Variants in TINAGL1 observed in about 807,000 individuals in gnomAD.
The protein encoded by TINAGL1 is tubulointerstitial nephritis antigen like 1.
Under a neutral mutation model 62.0 loss-of-function variants are expected in TINAGL1, and 34 were observed. The ratio of observed to expected loss-of-function variants is 0.55; its 90% CI spans 0.42 to 0.73. TINAGL1 has a LOEUF of 0.73. TINAGL1 is among the 30% of genes least tolerant of loss of function. The probability of loss-of-function intolerance (pLI) is 0.00; values close to 1 mark genes in which losing one functional copy is unlikely to be tolerated. For synonymous variants in TINAGL1, 221 were observed against 249.7 expected, an observed-to-expected ratio of 0.88 and a Z score of 1.08; for missense variants, 516 against 653.2, an observed-to-expected ratio of 0.79 and a Z score of 2.29.
rs915456347 is a variant in TINAGL1 at position 31,577,534 on chromosome 1, T to C, written c.310+76T>C. The C allele has an allele frequency of 2.1e-6, 3 of 1,442,786 alleles. No individual in the cohort carries two copies. The highest frequency in any genetic ancestry group is 4.2e-5 in the Admixed American group (2 of 47,594). The allele number at this position is 1,442,786 out of a possible 1,614,324, so 89.4% of individuals were successfully genotyped here. On this transcript the variant is annotated intron_variant, in intron 2 of 11. Coordinates refer to ENST00000271064, the MANE Select transcript of TINAGL1 (RefSeq NM_022164.3). This position sits in a 1 kb window ranked among gnomAD's most constrained non-coding sequence, Gnocchi z 5.4. ...CAGCAAGGCTCAAGAGCAAAGCTGA[T>C]GGATGCACTGACATTTCCAGGGGAA...
intron 2 of TINAGL1, among the ~76,000 whole-genome samples, chr1:31,578,552 G>GGT (rs375119727): frequency 0.021 from 2,847 of 132,480 alleles, 55 homozygotes; most frequent in Non-Finnish European, 0.026. Flanking sequence ...AGTGAGAGCT[G>GGT]GTGTGTGTGT....
At chr1:31,582,327 C>CA (rs5773366) in intron 3 of TINAGL1, among the ~76,000 whole-genome samples, 99,682 of 148,094 alleles carry the variant, frequency 0.67, 33,367 homozygotes, top group African/African-American at 0.73. Flanking sequence ...GACCCTGTCT[C>CA]AAAAAAAAAA....
At position 31,577,440 on chromosome 1, in the gene TINAGL1, C is replaced by A; in HGVS notation, c.292C>A (p.Pro98Thr). 6.2e-7 allele frequency: 1 copy of A among 1,611,690 alleles called. No homozygotes were observed. The highest frequency in any genetic ancestry group is 2.2e-5 in the East Asian group (1 of 44,854). The stretch of plus-strand genomic sequence containing the variant: ...GGACTTCTGCCTCGGCGTGCCACCC[C>A]CTTTTCCCCCGATCCAAGGTGGGCA... The part of the protein sequence containing the change: ...FWDFCLGVPP[P>T]FPPIQGCMHG... Residue 98 changes from proline to threonine, a missense_variant, in exon 2 of 12, where the codon CCT becomes ACT. Transcript: ENST00000271064. This position sits in a 1 kb window ranked among gnomAD's most constrained non-coding sequence, Gnocchi z 5.4.
chr1:31,585,413 G>A lies in TINAGL1; in HGVS notation c.1048-27G>A, dbSNP rs1368008249. 1 of 1,613,490 alleles carries A rather than the reference G, an allele frequency of 6.2e-7. No individual in the cohort carries two copies. Among genetic ancestry groups the A allele is most frequent in the East Asian group, 2.2e-5 (1 of 44,888 alleles). ...GCCTGGAGTCTCACCCCTGACGTATGCTCTCTGTCCATCCCCTGCCCTCCA... is the reference window on the plus strand; with the variant it reads ...GCCTGGAGTCTCACCCCTGACGTATACTCTCTGTCCATCCCCTGCCCTCCA... On this transcript the variant is annotated intron_variant, in intron 8 of 11. Transcript: ENST00000271064. The surrounding 1 kb of genome is among the most constrained non-coding windows in gnomAD (Gnocchi z 4.3).
Position 31,586,725 on chromosome 1 carries a change from G to T in TINAGL1, c.1233G>T (p.Thr411=), listed in dbSNP as rs745716693. ...CTGCCCACAGATGGGGAGAGGAGACGCTGCCAGATGGAAGGACGCTCAAAT... is the reference window on the plus strand; with the variant it reads ...CTGCCCACAGATGGGGAGAGGAGACTCTGCCAGATGGAAGGACGCTCAAAT... ...SVKITGWGEE[T]LPDGRTLKYW... The change falls in exon 11 of 12, where the codon ACG becomes ACT. Residue 411 remains threonine (T), a synonymous_variant. Transcript: ENST00000271064. 2 of 1,557,192 alleles carry T rather than the reference G, an allele frequency of 1.3e-6. No individual in the cohort carries two copies. Among genetic ancestry groups the T allele is most frequent in the Admixed American group, 1.9e-5 (1 of 51,692 alleles).
chr1:31,585,466 G>A lies in TINAGL1; in HGVS notation c.1074G>A (p.Met358Ile), dbSNP rs750626724. 1.9e-6 allele frequency: 3 copies of A among 1,614,108 alleles called. No homozygotes were observed. The African/African-American group carries it at 4.0e-5, about 22-fold the overall frequency. The change falls in exon 9 of 12, where the codon ATG (methionine) becomes ATA (isoleucine). Residue 358 changes from methionine to isoleucine, a missense_variant. Transcript: ENST00000271064. This position sits in a 1 kb window ranked among gnomAD's most constrained non-coding sequence, Gnocchi z 4.3. ...ACAAGGAGATCATGAAGGAGCTGATGGAGAATGGCCCTGTCCAAGGTAAAC... is the reference window on the plus strand; with the variant it reads ...ACAAGGAGATCATGAAGGAGCTGATAGAGAATGGCCCTGTCCAAGGTAAAC... ...SNDKEIMKEL[M>I]ENGPVQALME...
At chr1:31,578,552 GGTGTGT>G (rs375119727) in intron 2 of TINAGL1, among the ~76,000 whole-genome samples, 1 of 132,512 alleles carries the variant, frequency 7.5e-6, no homozygotes, top group African/African-American at 2.9e-5. Flanking sequence ...AGTGAGAGCT[GGTGTGT>G]GTGTGTGTGT....
chr1:31,579,363 G>A lies in TINAGL1; in HGVS notation c.374+96G>A. ...CCCTGACCCCTTTTGCAAGGGAGAA[G>A]TCTTTTCCCTTCTTTGAACCTCAGT... is the stretch of plus-strand genomic sequence containing the variant. On this transcript the variant is annotated intron_variant, in intron 3 of 11. Transcript: ENST00000271064. 2.7e-6 allele frequency: 3 copies of A among 1,113,326 alleles called. 1 individual carries two copies. The South Asian group carries it at 4.0e-5, about 15-fold the overall frequency. The allele number at this position is 1,113,326 out of a possible 1,614,324, so 69.0% of individuals were successfully genotyped here.
In TINAGL1 at chr1:31,585,441, A is replaced by T; in HGVS notation, c.1049A>T (p.Asp350Val). ...CTCTGTCCATCCCCTGCCCTCCAGG[A>T]CAAGGAGATCATGAAGGAGCTGATG... ...VTPVYRLGSNDKEIMKELMEN... is the reference protein window; with the variant it reads ...VTPVYRLGSNVKEIMKELMEN... The change falls in exon 9 of 12, where the codon GAC becomes GTC. Residue 350 changes from aspartate (D) to valine (V), a missense_variant and splice_region_variant. Physicochemically the swap from Asp to Val is radical, Grantham distance 152. Coordinates refer to ENST00000271064, the MANE Select transcript of TINAGL1 (RefSeq NM_022164.3). The surrounding 1 kb of genome is among the most constrained non-coding windows in gnomAD (Gnocchi z 4.3). 3.1e-6 allele frequency: 5 copies of T among 1,614,174 alleles called. No homozygotes were observed. Among genetic ancestry groups the T allele is most frequent in the Non-Finnish European group, 4.2e-6 (5 of 1,180,004 alleles).
In TINAGL1 at chr1:31,587,051, G is replaced by C. The variant is rs1414810768; in HGVS notation, c.*72G>C. Reference sequence around the variant, plus strand: ...CCGGCGGAAGAGGCCCCAATGGGGCGGTGACCCCAGCCTCGCCCGACAGAG... The same window carrying C: ...CCGGCGGAAGAGGCCCCAATGGGGCCGTGACCCCAGCCTCGCCCGACAGAG... On this transcript the variant is annotated 3_prime_UTR_variant, in exon 12 of 12. Coordinates refer to ENST00000271064, the MANE Select transcript of TINAGL1 (RefSeq NM_022164.3). The C allele has an allele frequency of 2.2e-6, 3 of 1,384,292 alleles. No individual in the cohort carries two copies. Among genetic ancestry groups the C allele is most frequent in the Non-Finnish European group, 2.8e-6 (3 of 1,075,428 alleles). 85.8% of individuals were successfully genotyped at this position (1,384,292 alleles called of 1,614,324 possible).
At position 31,585,157 on chromosome 1, in the gene TINAGL1, G is replaced by A. The variant is rs1014757536; in HGVS notation, c.864G>A (p.Val288=). ...AWWFLRRRGV[V]SDHCYPFSGR... ...CCTCTTGCTGCCTTTGCAGGGTGGT[G>A]TCTGACCACTGCTACCCCTTCTCGG... Residue 288 remains valine, a synonymous_variant, in exon 8 of 12, where the codon GTG becomes GTA. Transcript: ENST00000271064. This position sits in a 1 kb window ranked among gnomAD's most constrained non-coding sequence, Gnocchi z 4.3. The A allele has an allele frequency of 6.3e-7, 1 of 1,579,700 alleles. No individual in the cohort carries two copies. Among genetic ancestry groups the A allele is most frequent in the African/African-American group, 1.3e-5 (1 of 74,170 alleles).
Position 31,583,276 on chromosome 1 carries a change from C to A in TINAGL1, c.467+35C>A. 1 of 1,583,972 alleles carries A rather than the reference C, an allele frequency of 6.3e-7. No individual in the cohort carries two copies. Among genetic ancestry groups the A allele is most frequent in the Non-Finnish European group, 8.7e-7 (1 of 1,152,634 alleles). ...CCTAGAGGCACCCTCAGTGGGCACA[C>A]ATGCATACTCATGCATGTATACACG... On this transcript the variant is annotated intron_variant, in intron 4 of 11. Coordinates refer to ENST00000271064, the MANE Select transcript of TINAGL1 (RefSeq NM_022164.3). The surrounding 1 kb of genome is among the most constrained non-coding windows in gnomAD (Gnocchi z 4.4).
chr1:31,580,191 C>CTCTCTCTG (rs1557557774), intron 3 of TINAGL1: 2 of 417,208 alleles, frequency 4.8e-6, no homozygotes, highest in East Asian at 1.9e-4. Context: ...CTCTCTCTCT[C>CTCTCTCTG]TCTCTCTCTC....
At position 31,584,275 on chromosome 1, in the gene TINAGL1, A is replaced by G; in HGVS notation, c.583-403A>G. On this transcript the variant is annotated intron_variant, in intron 5 of 11. Coordinates refer to ENST00000271064, the MANE Select transcript of TINAGL1 (RefSeq NM_022164.3). The surrounding 1 kb of genome is among the most constrained non-coding windows in gnomAD (Gnocchi z 4.0). Reference sequence around the variant, plus strand: ...TGTTGGCAGACTGCCTGGTCACGGGACCCTACTGCCTCTTCCCTCCCCTGA... The same window carrying G: ...TGTTGGCAGACTGCCTGGTCACGGGGCCCTACTGCCTCTTCCCTCCCCTGA... The G allele has an allele frequency of 5.3e-6, 1 of 189,522 alleles. No homozygotes were observed. The highest frequency in any genetic ancestry group is 5.3e-5 in the Admixed American group (1 of 18,696). 11.7% of individuals were successfully genotyped at this position (189,522 alleles called of 1,614,324 possible). A position where few individuals can be genotyped will look rare whatever the true frequency, so the allele number is the denominator to read the frequency against.
In TINAGL1 at chr1:31,577,256, C is replaced by A. The variant is rs767969246; in HGVS notation, c.108C>A (p.His36Gln). Residue 36 changes from histidine (H) to glutamine (Q), a missense_variant, in exon 2 of 12, where the codon CAC (histidine) becomes CAA (glutamine). By Grantham distance (24) the His-to-Gln change is conservative. Transcript: ENST00000271064. The surrounding 1 kb of genome is among the most constrained non-coding windows in gnomAD (Gnocchi z 5.4). The part of the protein sequence containing the change: ...RGRRELAPGL[H>Q]LRGIRDAGGR... ...GCCGGGAGCTAGCACCGGGTCTGCA[C>A]CTGCGGGGCATCCGGGACGCGGGAG... The A allele has an allele frequency of 1.2e-6, 2 of 1,611,060 alleles. No individual in the cohort carries two copies. The highest frequency in any genetic ancestry group is 1.1e-5 in the South Asian group (1 of 90,968).
At position 31,578,978 on chromosome 1, in the gene TINAGL1, A is replaced by G. The variant is rs1407739186; in HGVS notation, c.311-226A>G. Among the ~76,000 whole-genome samples the G allele has an allele frequency of 1.7e-5, 2 of 120,854 alleles. 1 individual carries two copies. Among genetic ancestry groups the G allele is most frequent in the Admixed American group, 1.7e-4 (2 of 11,460 alleles). 79.3% of individuals were successfully genotyped at this position (120,854 alleles called of 152,430 possible). On this transcript the variant is annotated intron_variant, in intron 2 of 11. Transcript: ENST00000271064. ...GTGTGTGTGTGATGCCTTCAGTTAT[A>G]GTTTAATTTTAGTGACAGCTGGTGT...
At position 31,584,656 on chromosome 1, in the gene TINAGL1, C is replaced by T. The variant is rs1325450201; in HGVS notation, c.583-22C>T. The T allele has an allele frequency of 9.9e-6, 16 of 1,612,474 alleles. No individual in the cohort carries two copies. The highest frequency in any genetic ancestry group is 3.4e-6 in the Non-Finnish European group (4 of 1,179,988). ...AGGCCAGGGCAGAGCAGGAGGCAGA[C>T]AGGGCAACCTTTATCTTGCAGACAG... On this transcript the variant is annotated intron_variant, in intron 5 of 11. Transcript: ENST00000271064. This position sits in a 1 kb window ranked among gnomAD's most constrained non-coding sequence, Gnocchi z 4.0.
chr1:31,584,809 A>ACAC lies in TINAGL1; in HGVS notation c.706+8_706+9insCAC. 6.2e-7 allele frequency: 1 copy of ACAC among 1,614,238 alleles called. No homozygotes were observed. Reference sequence around the variant, plus strand: ...GGGCCTTCTCCACAGCAGGTAAGCCAAGGGCAAGGGCTGGCGCCTGGGAGA... The same window carrying ACAC: ...GGGCCTTCTCCACAGCAGGTAAGCCACACAGGGCAAGGGCTGGCGCCTGGGAGA... On this transcript the variant is annotated intron_variant, in intron 6 of 11. Coordinates refer to ENST00000271064, the MANE Select transcript of TINAGL1 (RefSeq NM_022164.3). This position sits in a 1 kb window ranked among gnomAD's most constrained non-coding sequence, Gnocchi z 4.0.
At position 31,585,101 on chromosome 1, in the gene TINAGL1, C is replaced by T. The variant is rs1393194024; in HGVS notation, c.858-50C>T. ...GGAGCTCCGTGGGCATGGCCTGGGC[C>T]ATGATGCACTGAGTCTTTCTGCCTT... On this transcript the variant is annotated intron_variant, in intron 7 of 11. Transcript: ENST00000271064. This position sits in a 1 kb window ranked among gnomAD's most constrained non-coding sequence, Gnocchi z 4.3. 1.9e-6 allele frequency: 3 copies of T among 1,565,376 alleles called. No individual in the cohort carries two copies. The highest frequency in any genetic ancestry group is 2.6e-6 in the Non-Finnish European group (3 of 1,151,674).
Sources: gnomAD v4.1 joint callset for allele counts (sites outside exome capture counted in the v4.1 genomes callset) on GRCh38, gnomAD v4.1.1 for gene constraint, Gnocchi (gnomAD v3.1) non-coding constraint, MANE v1.5 for transcripts, NCBI Gene and HGNC (gene_info 2026-07-23, HGNC 2026-07-21) for gene names.